Variants in FBXO42 observed in about 807,000 individuals in gnomAD.
The protein encoded by FBXO42 is F-box protein 42.
FBXO42 carries 12 observed loss-of-function variants against 71.7 expected under a neutral mutation model. The observed-to-expected ratio is 0.17, with a 90% CI of 0.11 to 0.27. The LOEUF (loss-of-function observed/expected upper bound fraction) is 0.27, where lower values mean the gene tolerates loss of function less well. FBXO42 is among the 10% of genes least tolerant of loss of function. FBXO42 has a pLI of 1.00. For missense variants in FBXO42, 707 were observed against 911.9 expected, an observed-to-expected ratio of 0.78 and a Z score of 2.89; for synonymous variants, 325 against 327.5, an observed-to-expected ratio of 0.99 and a Z score of 0.08.
chr1:16,337,112 C>T (rs1212160476), intron 1 of FBXO42, among the ~76,000 whole-genome samples: 1 of 152,136 alleles, frequency 6.6e-6, no homozygotes, highest in African/African-American at 2.4e-5. Context: ...AAAAGAACAA[C>T]CAAATCATTA....
In FBXO42 at chr1:16,251,055, C is replaced by A. The variant is rs771526496; in HGVS notation, c.1769G>T (p.Ser590Ile). Residue 590 changes from serine (S) to isoleucine (I), a missense_variant, in exon 10 of 10, where the codon AGC becomes ATC. Physicochemically the swap from Ser to Ile is moderately radical, Grantham distance 142. Around this residue, in one of 5 missense-constraint regions of FBXO42, gnomAD observed 482 missense variants for 587.1 expected, o/e 0.82. Transcript: ENST00000375592. The surrounding 1 kb of genome is among the most constrained non-coding windows in gnomAD (Gnocchi z 4.5). The part of the protein sequence containing the change: ...PLGSSPGSPG[S>I]QSLSSGETVP... ...TGTTTCTCCACTGCTCAAACTCTGG[C>A]TCCCAGGAGAGCCTGGAGAAGACCC... The A allele has an allele frequency of 5.6e-6, 9 of 1,614,194 alleles. No homozygotes were observed. Among genetic ancestry groups the A allele is most frequent in the South Asian group, 1.1e-5 (1 of 91,082 alleles).
chr1:16,249,739 A>G lies in FBXO42; in HGVS notation c.*931T>C, dbSNP rs947187873. The G allele has an allele frequency of 6.6e-6, 1 of 152,158 alleles. No homozygotes were observed. The allele number at this position is 152,158 out of a possible 1,614,324, so 9.4% of individuals were successfully genotyped here. A position where few individuals can be genotyped will look rare whatever the true frequency, so the allele number is the denominator to read the frequency against. ...TTCTGTAGGCACCTGAGCTTTGTAA[A>G]AGAAACAGAAAGTCAGACAGGTTTT... On this transcript the variant is annotated 3_prime_UTR_variant, in exon 10 of 10. Coordinates refer to ENST00000375592, the MANE Select transcript of FBXO42 (RefSeq NM_018994.3).
intron 1 of FBXO42, among the ~76,000 whole-genome samples, chr1:16,323,196 A>C (rs1273141039): frequency 1.3e-5 from 2 of 152,014 alleles, no homozygotes; most frequent in African/African-American, 4.8e-5. Flanking sequence ...AGGCGGAGGA[A>C]TCACAAGGTC....
chr1:16,295,389 T>TTTTC (rs1044180188), intron 3 of FBXO42, among the ~76,000 whole-genome samples: 2 of 152,154 alleles, frequency 1.3e-5, no homozygotes, highest in Non-Finnish European at 2.9e-5. Flanking sequence ...AATCTTTTTT[T>TTTTC]TTTCTTTCTT....
At chr1:16,320,541 T>C (rs1350604657) in intron 1 of FBXO42, among the ~76,000 whole-genome samples, 1 of 152,074 alleles carries the variant, frequency 6.6e-6, no homozygotes, top group African/African-American at 2.4e-5. Flanking sequence ...TCTCACTCTG[T>C]CACCCAGGCT....
chr1:16,291,159 C>G (rs1374985328), intron 4 of FBXO42, among the ~76,000 whole-genome samples: 3 of 152,166 alleles, frequency 2.0e-5, no homozygotes, highest in African/African-American at 7.2e-5. Flanking sequence ...ACAGTGCCCT[C>G]CCCTCAGTCA....
At chr1:16,317,205 GTC>G (rs2082375797) in intron 1 of FBXO42, among the ~76,000 whole-genome samples, 1 of 152,140 alleles carries the variant, frequency 6.6e-6, no homozygotes, top group Non-Finnish European at 1.5e-5. Flanking sequence ...ATCATCTGAG[GTC>G]AGGAGTTCAA....
intron 1 of FBXO42, among the ~76,000 whole-genome samples, chr1:16,345,418 G>T (rs1301753923): frequency 6.6e-6 from 1 of 151,944 alleles, no homozygotes; most frequent in Non-Finnish European, 1.5e-5. Flanking sequence ...GCGAGACTCT[G>T]TCTTAAAAAT....
At chr1:16,268,641 C>T (rs1027844487) in intron 4 of FBXO42, among the ~76,000 whole-genome samples, 6 of 152,060 alleles carry the variant, frequency 3.9e-5, no homozygotes, top group African/African-American at 1.4e-4. Context: ...CATCTTAACT[C>T]CTTCTTAATC....
rs1417292070 is a variant in FBXO42, at chr1:16,249,450, ATATAT to A, written c.*1215_*1219del. On this transcript the variant is annotated 3_prime_UTR_variant, in exon 10 of 10. Transcript: ENST00000375592. ...CACCTGCCAATAGCCAGGAAGAGGA[ATATAT>A]GTCACCACAAGGAAAAAAACATTTC... 4 of 152,226 alleles carry A rather than the reference ATATAT, an allele frequency of 2.6e-5. No homozygotes were observed. Among genetic ancestry groups the A allele is most frequent in the Non-Finnish European group, 2.9e-5 (2 of 68,028 alleles). 9.4% of individuals were successfully genotyped at this position (152,226 alleles called of 1,614,324 possible).
chr1:16,339,472 C>T (rs1279525289), intron 1 of FBXO42, among the ~76,000 whole-genome samples: 1 of 151,894 alleles, frequency 6.6e-6, no homozygotes, highest in Admixed American at 6.6e-5. Context: ...GCCACCACGC[C>T]CAGCTAATTT....
rs2081587960 is a variant in FBXO42, at chr1:16,251,207, G to A, written c.1617C>T (p.Thr539=). 3 of 1,614,008 alleles carry A rather than the reference G, an allele frequency of 1.9e-6. No homozygotes were observed. Among genetic ancestry groups the A allele is most frequent in the Non-Finnish European group, 1.7e-6 (2 of 1,180,030 alleles). The change falls in exon 10 of 10, where the codon ACC becomes ACT. Residue 539 remains threonine, a synonymous_variant. Transcript: ENST00000375592. The surrounding 1 kb of genome is among the most constrained non-coding windows in gnomAD (Gnocchi z 4.5). ...CAAGGGCACTGGCCACGTGAGGTGG[G>A]GTATGCACACCATTTGTCTGTTCAG... The part of the protein sequence containing the change: ...HPPEQTNGVH[T]PPHVASALAG...
chr1:16,329,677 C>G (rs1022840922), intron 1 of FBXO42, among the ~76,000 whole-genome samples: 2 of 151,830 alleles, frequency 1.3e-5, no homozygotes, highest in Non-Finnish European at 2.9e-5. Flanking sequence ...AGGCTGGGTG[C>G]GGTGGCTTAT....
intron 1 of FBXO42, among the ~76,000 whole-genome samples, chr1:16,323,593 T>C (rs184686979): frequency 1.3e-5 from 2 of 150,484 alleles, no homozygotes; most frequent in Admixed American, 1.3e-4. Flanking sequence ...GGTCAGGAGT[T>C]CGAGACCAGC....
At chr1:16,349,087 G>A (rs1362986371) in intron 1 of FBXO42, among the ~76,000 whole-genome samples, 2 of 152,144 alleles carry the variant, frequency 1.3e-5, no homozygotes, top group Non-Finnish European at 2.9e-5. Flanking sequence ...CCATAACTGG[G>A]GCATACTGTG....
intron 4 of FBXO42, among the ~76,000 whole-genome samples, chr1:16,274,046 C>A (rs1458287402): frequency 2.0e-5 from 3 of 152,146 alleles, no homozygotes; most frequent in Non-Finnish European, 2.9e-5. Flanking sequence ...ACACGAAGTT[C>A]AAGAACACAG....
chr1:16,333,639 C>T lies in FBXO42; in HGVS notation c.-17-18204G>A, dbSNP rs544216199. Among the ~76,000 whole-genome samples, 8 of 152,214 alleles carry T rather than the reference C, an allele frequency of 5.3e-5. No homozygotes were observed. In the East Asian group the frequency reaches 9.6e-4, roughly 18 times the overall value. On this transcript the variant is annotated intron_variant, in intron 1 of 9. Coordinates refer to ENST00000375592, the MANE Select transcript of FBXO42 (RefSeq NM_018994.3). ...AAAATCCACATTTTACTTCTCATTG[C>T]TATGGCTTCCAATAAAGTCAAGACA...
chr1:16,322,444 C>T (rs1265838833), intron 1 of FBXO42, among the ~76,000 whole-genome samples: 3 of 152,114 alleles, frequency 2.0e-5, no homozygotes, highest in African/African-American at 2.4e-5. Flanking sequence ...GGCGTGCAGG[C>T]GCATGCCTGT....
intron 2 of FBXO42, among the ~76,000 whole-genome samples, chr1:16,313,320 A>AAAG (rs2082332709): frequency 9.1e-6 from 1 of 110,156 alleles, no homozygotes; most frequent in African/African-American, 3.9e-5. Context: ...AAGAGAAAAG[A>AAAG]AAACAAAGAA....
Sources: gnomAD v4.1 joint callset for allele counts (sites outside exome capture counted in the v4.1 genomes callset) on GRCh38, gnomAD v4.1.1 for gene constraint, gnomAD v4.1.1 regional missense constraint, Gnocchi (gnomAD v3.1) non-coding constraint, MANE v1.5 for transcripts, NCBI Gene and HGNC (gene_info 2026-07-23, HGNC 2026-07-21) for gene names.